The following DTNBP1 variants were observed in gnomAD, a reference collection of about 807,000 sequenced individuals.
The protein encoded by DTNBP1 is dysbindin.
In DTNBP1, 35 loss-of-function variants were observed where a neutral mutation model predicts 42.8. That is an observed-to-expected ratio of 0.82 (90% CI 0.63 to 1.09). The LOEUF is 1.09. Among genes scored for constraint, DTNBP1 ranks in the 50% least tolerant of loss-of-function variants. The pLI is 0.00. For missense variants in DTNBP1, 457 were observed against 424.2 expected, an observed-to-expected ratio of 1.08 and a Z score of -0.68; for synonymous variants, 171 against 162.2, an observed-to-expected ratio of 1.05 and a Z score of -0.41.
At chr6:15,642,436 C>T (rs1760426674) in intron 3 of DTNBP1, among the ~76,000 whole-genome samples, 1 of 152,194 alleles carries the variant, frequency 6.6e-6, no homozygotes, top group Admixed American at 6.5e-5. Context: ...GCCACCATCC[C>T]CTGCCCACTC....
At chr6:15,601,284 C>T (rs1000464203) in intron 6 of DTNBP1, among the ~76,000 whole-genome samples, 16 of 152,078 alleles carry the variant, frequency 1.1e-4, no homozygotes, top group African/African-American at 3.1e-4. Flanking sequence ...CTTTCTTTTT[C>T]GACAATATTT....
intron 3 of DTNBP1, 101 bp from the exon 4 acceptor site, chr6:15,637,905 C>A: frequency 1.5e-6 from 2 of 1,297,268 alleles, no homozygotes; most frequent in Non-Finnish European, 2.2e-6. Flanking sequence ...AGAAAGGAAA[C>A]ACTCAAAAAA....
intron 7 of DTNBP1, among the ~76,000 whole-genome samples, chr6:15,544,554 G>C (rs761681815): frequency 1.3e-5 from 2 of 152,186 alleles, no homozygotes; most frequent in African/African-American, 4.8e-5. Context: ...TAGTTTCTCT[G>C]CATCTTTGCC....
At chr6:15,613,034 G>T (rs568531692) in intron 6 of DTNBP1, among the ~76,000 whole-genome samples, 1 of 152,092 alleles carries the variant, frequency 6.6e-6, no homozygotes, top group East Asian at 1.9e-4. Context: ...TAGGCCAGGC[G>T]TGATGGCTCA....
intron 7 of DTNBP1, among the ~76,000 whole-genome samples, chr6:15,551,942 G>A (rs919381535): frequency 2.0e-5 from 3 of 152,196 alleles, no homozygotes; most frequent in African/African-American, 2.4e-5. Flanking sequence ...GTGCAGTGAT[G>A]CAGAAGATAA....
At position 15,642,720 on chromosome 6, in the gene DTNBP1, C is replaced by T. The variant is rs540315687; in HGVS notation, c.162-4916G>A. On this transcript the variant is annotated intron_variant, in intron 3 of 9. Transcript: ENST00000344537. Reference sequence around the variant, plus strand: ...ACAGAAGCTATCCATAACCAAGGACCCCATATAGCATTTGGCTCTGTGGAA... The same window carrying T: ...ACAGAAGCTATCCATAACCAAGGACTCCATATAGCATTTGGCTCTGTGGAA... Among the ~76,000 whole-genome samples the T allele has an allele frequency of 4.6e-5, 7 of 152,198 alleles. No individual in the cohort carries two copies. In the South Asian group the frequency reaches 1.5e-3, roughly 32 times the overall value.
At chr6:15,597,403 A>C (rs570231192) in intron 6 of DTNBP1, among the ~76,000 whole-genome samples, 2 of 152,318 alleles carry the variant, frequency 1.3e-5, no homozygotes, top group South Asian at 4.1e-4. Context: ...TTTACTCTTA[A>C]GCATTAAGAC....
chr6:15,545,925 G>A, intron 7 of DTNBP1: 1 of 364,154 alleles, frequency 2.7e-6, no homozygotes. Flanking sequence ...GAAGACCGGG[G>A]TCTGACTGCA....
At position 15,578,366 on chromosome 6, in the gene DTNBP1, T is replaced by C. The variant is rs1192115352; in HGVS notation, c.511+14693A>G. 2.6e-5 allele frequency among the ~76,000 whole-genome samples: 4 copies of C among 152,334 alleles called. No homozygotes were observed. In the East Asian group the frequency reaches 5.8e-4, roughly 22 times the overall value. On this transcript the variant is annotated intron_variant, in intron 7 of 9. Transcript: ENST00000344537. ...TCCTAGTGCGCAGAGGGGAATGTAC[T>C]AGGATTGCCAGCCTGGATGAAGGCT...
intron 7 of DTNBP1, among the ~76,000 whole-genome samples, chr6:15,553,574 C>G (rs1268345318): frequency 9.2e-6 from 1 of 109,272 alleles, no homozygotes; most frequent in Non-Finnish European, 1.8e-5. Flanking sequence ...CAAAGCAGTT[C>G]AATGCTCTTG....
At position 15,657,221 on chromosome 6, in the gene DTNBP1, C is replaced by T. The variant is rs760607894; in HGVS notation, c.57-5081G>A. On this transcript the variant is annotated intron_variant, in intron 1 of 9. Transcript: ENST00000344537. ...TTCAAGTTCTCACTTCTCACCTGAGCGCAAGAGAAATTTCCAATTGCTTCT... is the reference window on the plus strand; with the variant it reads ...TTCAAGTTCTCACTTCTCACCTGAGTGCAAGAGAAATTTCCAATTGCTTCT... Among the ~76,000 whole-genome samples the T allele has an allele frequency of 5.3e-5, 8 of 152,298 alleles. No individual in the cohort carries two copies. The South Asian group carries it at 8.3e-4, about 16-fold the overall frequency.
intron 7 of DTNBP1, among the ~76,000 whole-genome samples, chr6:15,570,834 C>G (rs1235426152): frequency 6.6e-6 from 1 of 151,938 alleles, no homozygotes; most frequent in South Asian, 2.1e-4. Flanking sequence ...AGGTGGTATG[C>G]TAACTAGACA....
intron 7 of DTNBP1, among the ~76,000 whole-genome samples, chr6:15,558,870 A>G (rs929564921): frequency 6.6e-6 from 1 of 152,174 alleles, no homozygotes; most frequent in African/African-American, 2.4e-5. Context: ...TTGCTGTTTG[A>G]TATTGCAGTA....
chr6:15,605,430 C>T (rs1757991903), intron 6 of DTNBP1, among the ~76,000 whole-genome samples: 1 of 152,294 alleles, frequency 6.6e-6, no homozygotes, highest in South Asian at 2.1e-4. Context: ...TTACTCAAAC[C>T]TCTTCTCACA....
At chr6:15,548,509 T>C (rs1251009354) in intron 7 of DTNBP1, 2 of 150,208 alleles carry the variant, frequency 1.3e-5, no homozygotes, top group Admixed American at 1.3e-4. Context: ...TATAACACAT[T>C]TGGAAGGCAG....
chr6:15,559,031 G>A (rs1300463739), intron 7 of DTNBP1, among the ~76,000 whole-genome samples: 1 of 152,108 alleles, frequency 6.6e-6, no homozygotes, highest in Non-Finnish European at 1.5e-5. Context: ...AGCGATTTTC[G>A]TATCAAAGTT....
chr6:15,630,493 G>A (rs1003204448), intron 4 of DTNBP1, among the ~76,000 whole-genome samples: 1 of 152,160 alleles, frequency 6.6e-6, no homozygotes, highest in Admixed American at 6.5e-5. Context: ...CACAATAACA[G>A]GAGAGGCAAA....
chr6:15,570,906 G>T (rs1382190644), intron 7 of DTNBP1, among the ~76,000 whole-genome samples: 2 of 151,980 alleles, frequency 1.3e-5, no homozygotes. Flanking sequence ...AGTAAACTAG[G>T]TATTACAGAA....
Position 15,599,097 on chromosome 6 carries a change from T to C in DTNBP1, c.489-6016A>G, listed in dbSNP as rs1440722022. Among the ~76,000 whole-genome samples, 4 of 152,184 alleles carry C rather than the reference T, an allele frequency of 2.6e-5. No homozygotes were observed. The South Asian group carries it at 8.3e-4, about 32-fold the overall frequency. On this transcript the variant is annotated intron_variant, in intron 6 of 9. Coordinates refer to ENST00000344537, the MANE Select transcript of DTNBP1 (RefSeq NM_032122.5). ...CAGGTTGGCAGCACTAAGTTATACA[T>C]GGATTACATTCCATCCCACCTTGCA...
Sources: allele counts gnomAD v4.1 joint callset (sites outside exome capture counted in the v4.1 genomes callset), GRCh38; gene constraint gnomAD v4.1.1; transcripts MANE v1.5; gene names NCBI Gene and HGNC (gene_info 2026-07-23, HGNC 2026-07-21).